SEC22C: variants seen among roughly 807,000 people sequenced by gnomAD.
The protein encoded by SEC22C is vesicle-trafficking protein SEC22c.
A neutral mutation model predicts 34.7 loss-of-function variants in SEC22C; 29 were observed. The ratio of observed to expected loss-of-function variants is 0.84; its 90% CI spans 0.62 to 1.14. The LOEUF (loss-of-function observed/expected upper bound fraction) is 1.14, where lower values mean the gene tolerates loss of function less well. Ranked by LOEUF, SEC22C falls within the 50% of genes most tolerant of loss-of-function variation. SEC22C has a pLI of 0.00. For synonymous variants in SEC22C, 117 were observed against 132.8 expected (o/e 0.88, Z 0.82); for missense variants, 337 against 369.0 (o/e 0.91, Z 0.71).
intron 1 of SEC22C, among the ~76,000 whole-genome samples, chr3:42,589,212 T>C (rs1704724345): frequency 6.7e-6 from 1 of 149,888 alleles, no homozygotes; most frequent in African/African-American, 2.5e-5. Flanking sequence ...GAGGTTGCAG[T>C]GAGCCGAGAT....
At chr3:42,556,664 C>A (rs1009682087) in intron 5 of SEC22C, among the ~76,000 whole-genome samples, 4 of 152,178 alleles carry the variant, frequency 2.6e-5, no homozygotes, top group Non-Finnish European at 5.9e-5. Flanking sequence ...GTGGCACTAT[C>A]TTTAAAAGTA....
intron 1 of SEC22C, among the ~76,000 whole-genome samples, chr3:42,590,306 C>T (rs1273167446): frequency 2.6e-5 from 4 of 152,156 alleles, no homozygotes; most frequent in Non-Finnish European, 5.9e-5. Context: ...GATCTGAAGC[C>T]ATGTATCTGG....
rs138590867 is a variant in SEC22C at position 42,564,594 on chromosome 3, C to T, written c.183-908G>A. On this transcript the variant is annotated intron_variant, in intron 2 of 6. Coordinates refer to ENST00000264454, the MANE Select transcript of SEC22C (RefSeq NM_032970.4). Reference sequence around the variant, plus strand: ...ACTCCAACTTCAACCTTTTACGAGGCGCAAGAACAACATTTCAATTTCTTA... The same window carrying T: ...ACTCCAACTTCAACCTTTTACGAGGTGCAAGAACAACATTTCAATTTCTTA... Among the ~76,000 whole-genome samples, 180 of 152,266 alleles carry T rather than the reference C, an allele frequency of 1.2e-3. 1 individual carries two copies. The highest frequency in any genetic ancestry group is 4.0e-3 in the African/African-American group (167 of 41,548).
chr3:42,564,431 A>C (rs1703112764), intron 2 of SEC22C: 1 of 154,012 alleles, frequency 6.5e-6, no homozygotes, highest in Non-Finnish European at 1.4e-5. Context: ...GAATCCCCTG[A>C]AGCCCAAGTT....
chr3:42,590,940 G>A, intron 1 of SEC22C: 1 of 1,359,312 alleles, frequency 7.4e-7, no homozygotes, highest in East Asian at 4.6e-5. Context: ...GGGCAAGGCG[G>A]AAGTCAATCA....
intron 5 of SEC22C, 26 bp from the exon 6 acceptor site, chr3:42,556,021 G>C: frequency 6.4e-7 from 1 of 1,571,896 alleles, no homozygotes; most frequent in African/African-American, 1.4e-5. Flanking sequence ...GGAACACAAG[G>C]AAAGGGATAT....
Position 42,550,580 on chromosome 3 carries a change from G to A in SEC22C, c.*2668C>T. Reference sequence around the variant, plus strand: ...TGTTTTTGTGGTCATTACTTGTACTGTTTTTCTAGTGCATCTTTTCCCTTT... The same window carrying A: ...TGTTTTTGTGGTCATTACTTGTACTATTTTTCTAGTGCATCTTTTCCCTTT... On this transcript the variant is annotated 3_prime_UTR_variant, in exon 7 of 7. Transcript: ENST00000264454. The A allele has an allele frequency of 2.0e-6, 2 of 985,342 alleles. No individual in the cohort carries two copies. Among genetic ancestry groups the A allele is most frequent in the Non-Finnish European group, 2.4e-6 (2 of 829,926 alleles). 61.0% of individuals were successfully genotyped at this position (985,342 alleles called of 1,614,324 possible). A position where few individuals can be genotyped will look rare whatever the true frequency, so the allele number is the denominator to read the frequency against.
chr3:42,556,002 CA>C lies in SEC22C; in HGVS notation c.646-8del. ...CAATTTCCTCATGGGCAACCTAAAA[CA>C]AATACAAGGAACACAAGGAAAGGGA... is the stretch of plus-strand genomic sequence containing the variant. On this transcript the variant is annotated splice_polypyrimidine_tract_variant and splice_region_variant and intron_variant, in intron 5 of 6. Transcript: ENST00000264454. The C allele has an allele frequency of 6.2e-7, 1 of 1,609,280 alleles. No homozygotes were observed. Among genetic ancestry groups the C allele is most frequent in the Non-Finnish European group, 8.5e-7 (1 of 1,176,352 alleles).
At position 42,552,127 on chromosome 3, in the gene SEC22C, TGAAA is replaced by T; in HGVS notation, c.*1117_*1120del. Reference sequence around the variant, plus strand: ...CTGTGATCAATCAATTTTTTGACAGTGAAAGAGAGTAACTTTCCAGAGTATGTGT... The same window carrying T: ...CTGTGATCAATCAATTTTTTGACAGTGAGAGTAACTTTCCAGAGTATGTGT... On this transcript the variant is annotated 3_prime_UTR_variant, in exon 7 of 7. Transcript: ENST00000264454. 1 of 985,396 alleles carries T rather than the reference TGAAA, an allele frequency of 1.0e-6. No homozygotes were observed. Among genetic ancestry groups the T allele is most frequent in the Non-Finnish European group, 1.2e-6 (1 of 829,876 alleles). 61.0% of individuals were successfully genotyped at this position (985,396 alleles called of 1,614,324 possible).
intron 1 of SEC22C, among the ~76,000 whole-genome samples, chr3:42,577,608 C>A (rs1004085020): frequency 1.3e-5 from 2 of 152,156 alleles, no homozygotes; most frequent in Non-Finnish European, 2.9e-5. Flanking sequence ...GTGACAGTAT[C>A]AAACACTGGC....
intron 6 of SEC22C, among the ~76,000 whole-genome samples, chr3:42,555,329 A>G (rs1702468491): frequency 1.3e-5 from 2 of 149,886 alleles, no homozygotes; most frequent in African/African-American, 5.0e-5. Flanking sequence ...CCTGGGCAAC[A>G]GTGCAAGACT....
chr3:42,585,672 A>G (rs1704586693), upstream of SEC22C, among the ~76,000 whole-genome samples: 1 of 152,176 alleles, frequency 6.6e-6, no homozygotes, highest in African/African-American at 2.4e-5. Flanking sequence ...TCTTTCTGGC[A>G]TAACTAGAAG....
chr3:42,570,481 G>A (rs1703549249), intron 1 of SEC22C, among the ~76,000 whole-genome samples: 1 of 152,158 alleles, frequency 6.6e-6, no homozygotes, highest in African/African-American at 2.4e-5. Context: ...TGTAGAAACT[G>A]CAGTGATATA....
At chr3:42,594,482 A>T (rs1272218629) in intron 1 of SEC22C, 10 of 1,613,928 alleles carry the variant, frequency 6.2e-6, no homozygotes, top group Non-Finnish European at 8.5e-6. Context: ...ATGCCAGTCC[A>T]ACCAGCACTT....
At chr3:42,597,327 G>A (rs973108075) in intron 1 of SEC22C, among the ~76,000 whole-genome samples, 28 of 152,140 alleles carry the variant, frequency 1.8e-4, no homozygotes, top group African/African-American at 6.8e-4. Context: ...AGGCCAACGC[G>A]GGCAGATCAC....
chr3:42,556,345 A>G (rs1207241548), intron 5 of SEC22C, among the ~76,000 whole-genome samples: 2 of 152,268 alleles, frequency 1.3e-5, no homozygotes, highest in African/African-American at 4.8e-5. Context: ...TTGCCACCAT[A>G]CACTGTTTTG....
Position 42,576,642 on chromosome 3 carries a change from G to T in SEC22C, c.-28+5204C>A, listed in dbSNP as rs1309526647. On this transcript the variant is annotated intron_variant, in intron 1 of 6. Transcript: ENST00000264454. Reference sequence around the variant, plus strand: ...TGAAATCAAAGTGCTAAATAAATGGGGAGATATATCATGTTTTATGGATTG... The same window carrying T: ...TGAAATCAAAGTGCTAAATAAATGGTGAGATATATCATGTTTTATGGATTG... Among the ~76,000 whole-genome samples, 3 of 151,740 alleles carry T rather than the reference G, an allele frequency of 2.0e-5. No homozygotes were observed. The East Asian group carries it at 5.8e-4, about 29-fold the overall frequency.
intron 1 of SEC22C, among the ~76,000 whole-genome samples, chr3:42,595,680 A>G (rs1559538210): frequency 1.3e-5 from 2 of 152,238 alleles, no homozygotes; most frequent in Non-Finnish European, 2.9e-5. Flanking sequence ...ATTTATCTGA[A>G]AGATGAGGCA....
At chr3:42,574,363 CA>C (rs202174342) in intron 1 of SEC22C, among the ~76,000 whole-genome samples, 27,999 of 87,634 alleles carry the variant, frequency 0.32, 2,319 homozygotes, top group Middle Eastern at 0.36. Context: ...GACCCTGTCT[CA>C]AAAAAAAAAA....
Sources: gnomAD v4.1 joint callset for allele counts (sites outside exome capture counted in the v4.1 genomes callset) on GRCh38, gnomAD v4.1.1 for gene constraint, MANE v1.5 for transcripts, NCBI Gene and HGNC (gene_info 2026-07-23, HGNC 2026-07-21) for gene names.